Variants in RNGTT observed in about 807,000 individuals in gnomAD.
RNGTT encodes the protein RNA guanylyltransferase and 5'-phosphatase, also known as mRNA-capping enzyme.
RNGTT carries 33 observed loss-of-function variants against 79.3 expected under a neutral mutation model. That is an observed-to-expected ratio of 0.42 (90% CI 0.32 to 0.56). The LOEUF (loss-of-function observed/expected upper bound fraction) is 0.56. RNGTT is among the 20% of genes least tolerant of loss of function. The pLI, the probability that RNGTT is intolerant of heterozygous loss-of-function variation, is 0.17. For missense variants in RNGTT, 497 were observed against 739.1 expected (o/e 0.67, Z 3.80); for synonymous variants, 222 against 235.9 (o/e 0.94, Z 0.54).
chr6:88,853,808 C>T (rs1315864014), intron 8 of RNGTT, 44 bp from the exon 9 acceptor site: 3 of 1,243,220 alleles, frequency 2.4e-6, no homozygotes, highest in Non-Finnish European at 3.4e-6. Flanking sequence ...AGTATAATAT[C>T]AAGAACAGGG....
At chr6:88,891,648 G>A (rs1228573140) in intron 7 of RNGTT, among the ~76,000 whole-genome samples, 158 bp downstream of exon 7, 2 of 152,024 alleles carry the variant, frequency 1.3e-5, no homozygotes, top group East Asian at 3.8e-4. Flanking sequence ...TCAACTGTCT[G>A]GTTATTGCAT....
intron 4 of RNGTT, among the ~76,000 whole-genome samples, chr6:88,921,117 T>C (rs932695319): frequency 2.0e-5 from 3 of 152,172 alleles, no homozygotes; most frequent in African/African-American, 4.8e-5. Flanking sequence ...GAAAATACTG[T>C]CCTGCTTTTA....
chr6:88,869,623 A>G (rs1782291217), intron 8 of RNGTT, among the ~76,000 whole-genome samples: 1 of 152,164 alleles, frequency 6.6e-6, no homozygotes, highest in Non-Finnish European at 1.5e-5. Context: ...ACTAGTAAGT[A>G]ATTCTTAATG....
chr6:88,739,233 C>T (rs1305435980), intron 13 of RNGTT, among the ~76,000 whole-genome samples: 1 of 151,954 alleles, frequency 6.6e-6, no homozygotes, highest in Non-Finnish European at 1.5e-5. Flanking sequence ...AAAGGTGAAG[C>T]AAATTTATGG....
intron 13 of RNGTT, among the ~76,000 whole-genome samples, chr6:88,741,896 G>A (rs1294538171): frequency 1.3e-5 from 2 of 152,040 alleles, no homozygotes; most frequent in African/African-American, 4.8e-5. Flanking sequence ...ATTATCGACT[G>A]GTAGGACGAC....
At chr6:88,694,434 T>C (rs768140302) in intron 13 of RNGTT, among the ~76,000 whole-genome samples, 5 of 151,996 alleles carry the variant, frequency 3.3e-5, no homozygotes, top group Non-Finnish European at 7.4e-5. Context: ...AAAACACTGA[T>C]GAAAGAAACA....
chr6:88,678,732 T>A (rs1774979598), intron 13 of RNGTT, among the ~76,000 whole-genome samples: 1 of 152,174 alleles, frequency 6.6e-6, no homozygotes, highest in South Asian at 2.1e-4. Flanking sequence ...TGTAGTGTGC[T>A]ATGACTGCAC....
At chr6:88,849,471 T>A (rs1156542164) in intron 10 of RNGTT, among the ~76,000 whole-genome samples, 1 of 151,972 alleles carries the variant, frequency 6.6e-6, no homozygotes, top group Non-Finnish European at 1.5e-5. Flanking sequence ...ATAATTAAAA[T>A]CAGAAATGTT....
intron 2 of RNGTT, among the ~76,000 whole-genome samples, chr6:88,936,016 C>T (rs2127956561): frequency 6.6e-6 from 1 of 152,294 alleles, no homozygotes; most frequent in East Asian, 1.9e-4. Flanking sequence ...AACACCTGGG[C>T]TCAAGTGATC....
chr6:88,877,957 T>A (rs1782568990), intron 8 of RNGTT, among the ~76,000 whole-genome samples: 2 of 152,168 alleles, frequency 1.3e-5, no homozygotes, highest in South Asian at 4.1e-4. Flanking sequence ...ACATTCTCTC[T>A]AAGAGTTTTG....
chr6:88,840,284 T>G (rs1012418817), intron 11 of RNGTT, among the ~76,000 whole-genome samples: 2 of 152,222 alleles, frequency 1.3e-5, no homozygotes, highest in Non-Finnish European at 2.9e-5. Flanking sequence ...GTTTTCCTTT[T>G]GTATTCTACA....
intron 11 of RNGTT, among the ~76,000 whole-genome samples, chr6:88,808,668 G>C (rs971953654): frequency 3.9e-5 from 6 of 152,154 alleles, no homozygotes; most frequent in Non-Finnish European, 8.8e-5. Flanking sequence ...CCAGCACTTT[G>C]AGGGGCAGAA....
At chr6:88,841,480 C>A (rs2127898407) in intron 11 of RNGTT, among the ~76,000 whole-genome samples, 1 of 152,276 alleles carries the variant, frequency 6.6e-6, no homozygotes. Context: ...ACAATTCTAT[C>A]ATAACCACCC....
At chr6:88,776,511 T>C (rs776055307) in intron 12 of RNGTT, among the ~76,000 whole-genome samples, 6 of 151,804 alleles carry the variant, frequency 4.0e-5, no homozygotes, top group Non-Finnish European at 7.4e-5. Context: ...TTCTTCTTTT[T>C]TTTAGTAGAG....
intron 4 of RNGTT, among the ~76,000 whole-genome samples, chr6:88,920,676 A>G (rs1333852985): frequency 6.6e-6 from 1 of 152,174 alleles, no homozygotes; most frequent in Non-Finnish European, 1.5e-5. Context: ...AAATATGCTT[A>G]ATGAATTCAA....
intron 12 of RNGTT, among the ~76,000 whole-genome samples, chr6:88,788,431 A>G (rs143807464): frequency 2.0e-5 from 3 of 152,326 alleles, no homozygotes; most frequent in Admixed American, 6.5e-5. Flanking sequence ...AGTGAACAGA[A>G]TATAGACTAA....
At chr6:88,954,651 T>C (rs1785367290) in intron 1 of RNGTT, among the ~76,000 whole-genome samples, 1 of 151,354 alleles carries the variant, frequency 6.6e-6, no homozygotes, top group African/African-American at 2.4e-5. Flanking sequence ...AGATATTTAG[T>C]CTCAATAAAT....
intron 14 of RNGTT, among the ~76,000 whole-genome samples, chr6:88,639,751 T>A (rs759556288): frequency 6.6e-6 from 1 of 152,210 alleles, no homozygotes; most frequent in Non-Finnish European, 1.5e-5. Context: ...AATGAATGAT[T>A]AATGATGACG....
At chr6:88,843,548 C>CTTTTTT (rs11312733) in intron 11 of RNGTT, among the ~76,000 whole-genome samples, 7 of 66,634 alleles carry the variant, frequency 1.1e-4, no homozygotes, top group East Asian at 4.4e-4. Flanking sequence ...TAGTATGATT[C>CTTTTTT]TTTTTTTTTT....
Sources: gnomAD v4.1 joint callset for allele counts (sites outside exome capture counted in the v4.1 genomes callset) on GRCh38, gnomAD v4.1.1 for gene constraint, MANE v1.5 for transcripts, NCBI Gene and HGNC (gene_info 2026-07-23, HGNC 2026-07-21) for gene names.